FRMPD4: variants seen among roughly 807,000 people sequenced by gnomAD.
FRMPD4 encodes FERM and PDZ domain-containing protein 4.
FRMPD4 carries 22 observed loss-of-function variants against 94.1 expected under a neutral mutation model. That is an observed-to-expected ratio of 0.23 (90% CI 0.17 to 0.33). The LOEUF (loss-of-function observed/expected upper bound fraction) is 0.33. Among genes scored for constraint, FRMPD4 ranks in the 10% least tolerant of loss-of-function variants. FRMPD4 has a pLI of 1.00. For missense variants in FRMPD4, 1,111 were observed against 1,339.9 expected (o/e 0.83, Z 2.67); for synonymous variants, 631 against 548.6 (o/e 1.15, Z -2.10).
At chrX:12,011,221 G>A (rs1427037154) in intron 3 of FRMPD4, among the ~76,000 whole-genome samples, 5 of 111,718 alleles carry the variant, frequency 4.5e-5, no homozygotes, top group African/African-American at 1.6e-4. Context: ...TCATCCCCAG[G>A]GGTGGTTTGT....
intron 1 of FRMPD4, among the ~76,000 whole-genome samples, chrX:12,442,879 C>A (rs2057154208): frequency 8.9e-6 from 1 of 111,753 alleles, no homozygotes; most frequent in Admixed American, 9.5e-5. Context: ...TGTATCCATA[C>A]AATGGAATAT....
chrX:12,412,314 T>A (rs950596691), intron 1 of FRMPD4, among the ~76,000 whole-genome samples: 1 of 112,190 alleles, frequency 8.9e-6, no homozygotes, highest in African/African-American at 3.2e-5. Context: ...ACAAAACAAA[T>A]GCTCCATACA....
At chrX:12,009,472 G>A (rs2054570666) in intron 3 of FRMPD4, among the ~76,000 whole-genome samples, 1 of 112,276 alleles carries the variant, frequency 8.9e-6, no homozygotes, top group Admixed American at 9.4e-5. Flanking sequence ...AATTTTTACA[G>A]AAGATGTAAA....
At chrX:12,558,625 A>G (rs1455652393) in intron 2 of FRMPD4, among the ~76,000 whole-genome samples, 1 of 107,773 alleles carries the variant, frequency 9.3e-6, no homozygotes, top group Non-Finnish European at 1.9e-5. Flanking sequence ...TTTGCATTCA[A>G]TAGGAGACAG....
intron 1 of FRMPD4, among the ~76,000 whole-genome samples, chrX:12,221,712 T>C (rs2056870462): frequency 8.9e-6 from 1 of 111,847 alleles, no homozygotes; most frequent in Non-Finnish European, 1.9e-5. Flanking sequence ...TCAACTGGCC[T>C]TCATGAAGAG....
At chrX:12,410,270 A>T (rs1170207255) in intron 1 of FRMPD4, among the ~76,000 whole-genome samples, 1 of 111,567 alleles carries the variant, frequency 9.0e-6, no homozygotes, top group African/African-American at 3.3e-5. Context: ...TTCTGTGTGC[A>T]TTCGTTTTTG....
chrX:12,221,034 A>G (rs2056860274), intron 1 of FRMPD4, among the ~76,000 whole-genome samples: 1 of 112,074 alleles, frequency 8.9e-6, no homozygotes, highest in African/African-American at 3.2e-5. Context: ...GAAAAAGTCC[A>G]TGTATGCCCT....
chrX:12,229,274 A>G (rs73501748), intron 1 of FRMPD4, among the ~76,000 whole-genome samples: 140 of 112,020 alleles, frequency 1.2e-3, no homozygotes, highest in African/African-American at 4.4e-3. Context: ...CAGGGAGATC[A>G]GGAACATTTG....
intron 2 of FRMPD4, among the ~76,000 whole-genome samples, chrX:11,875,869 ATTT>A (rs869076863): frequency 8.7e-5 from 5 of 57,263 alleles, no homozygotes; most frequent in African/African-American, 3.5e-4. Flanking sequence ...CCACTTGAGG[ATTT>A]TTTTTTTTTT....
intron 2 of FRMPD4, among the ~76,000 whole-genome samples, chrX:12,523,046 T>A (rs895965330): frequency 2.3e-4 from 26 of 112,582 alleles, no homozygotes; most frequent in African/African-American, 8.1e-4. Context: ...GTTTACTTTA[T>A]CTGTTTTCTC....
At chrX:12,683,672 C>G in intron 6 of FRMPD4, 85 bp downstream of exon 6, 1 of 483,942 alleles carries the variant, frequency 2.1e-6, no homozygotes, top group Non-Finnish European at 3.6e-6. Flanking sequence ...AGTAGTCCCA[C>G]TGGAATGACT....
chrX:12,474,944 C>G (rs2057573190), intron 1 of FRMPD4, among the ~76,000 whole-genome samples: 1 of 111,762 alleles, frequency 8.9e-6, no homozygotes, highest in South Asian at 3.7e-4. Context: ...AAGAGGGAAT[C>G]CTCCCTAACT....
chrX:12,170,172 A>C (rs760529465), intron 1 of FRMPD4, among the ~76,000 whole-genome samples: 1 of 98,071 alleles, frequency 1.0e-5, no homozygotes, highest in East Asian at 3.0e-4. Context: ...TCTTTCCAGA[A>C]ATTTTCCACA....
chrX:12,189,209 A>G (rs2056461021), intron 1 of FRMPD4, among the ~76,000 whole-genome samples: 1 of 111,836 alleles, frequency 8.9e-6, no homozygotes, highest in Admixed American at 9.5e-5. Flanking sequence ...ACAATCTGCC[A>G]AAACTCATAC....
intron 1 of FRMPD4, among the ~76,000 whole-genome samples, chrX:12,351,825 G>A (rs1428568994): frequency 1.8e-5 from 2 of 112,768 alleles, no homozygotes; most frequent in Non-Finnish European, 3.7e-5. Context: ...TGGTATGTAG[G>A]TGTAGTTCAC....
intron 1 of FRMPD4, among the ~76,000 whole-genome samples, chrX:12,310,791 A>G (rs10126858): frequency 0.027 from 3,074 of 112,091 alleles, 105 homozygotes; most frequent in African/African-American, 0.095. Context: ...AAAATCAATG[A>G]TTAAATTTTC....
At chrX:12,563,722 G>A (rs1365737023) in intron 2 of FRMPD4, among the ~76,000 whole-genome samples, 1 of 111,971 alleles carries the variant, frequency 8.9e-6, no homozygotes. Flanking sequence ...GAAACCCTTG[G>A]AATTTGGCTT....
At chrX:12,618,039 T>C (rs938047804) in intron 4 of FRMPD4, among the ~76,000 whole-genome samples, 25 of 112,004 alleles carry the variant, frequency 2.2e-4, no homozygotes, top group Admixed American at 1.9e-3. Flanking sequence ...TTCATAGTCT[T>C]CTAAGTTGTT....
intron 1 of FRMPD4, among the ~76,000 whole-genome samples, chrX:12,200,259 C>T (rs939627695): frequency 1.3e-4 from 15 of 111,406 alleles, no homozygotes; most frequent in African/African-American, 4.2e-4. Flanking sequence ...TAATTTCCTC[C>T]CAAAGTTAGT....
Sources: allele counts gnomAD v4.1 joint callset (sites outside exome capture counted in the v4.1 genomes callset), GRCh38; gene constraint gnomAD v4.1.1; transcripts MANE v1.5; gene names NCBI Gene and HGNC (gene_info 2026-07-23, HGNC 2026-07-21).